FBXL5: variants seen among roughly 807,000 people sequenced by gnomAD.
FBXL5 encodes F-box/LRR-repeat protein 5.
A neutral mutation model predicts 78.3 loss-of-function variants in FBXL5; 26 were observed. The observed-to-expected ratio is 0.33, with a 90% CI of 0.24 to 0.46. The LOEUF is 0.46. Among genes scored for constraint, FBXL5 ranks in the 20% least tolerant of loss-of-function variants. The pLI, the probability that FBXL5 is intolerant of heterozygous loss-of-function variation, is 1.00. For synonymous variants in FBXL5, 295 were observed against 282.5 expected (o/e 1.04, Z -0.45); for missense variants, 710 against 829.2 (o/e 0.86, Z 1.77).
chr4:15,627,865 T>G lies in FBXL5; in HGVS notation c.1041+20A>C. 1 of 1,587,568 alleles carries G rather than the reference T, an allele frequency of 6.3e-7. No individual in the cohort carries two copies. The highest frequency in any genetic ancestry group is 8.5e-7 in the Non-Finnish European group (1 of 1,171,592). On this transcript the variant is annotated intron_variant, in intron 7 of 10. Coordinates refer to ENST00000341285, the MANE Select transcript of FBXL5 (RefSeq NM_012161.4). ...ATGCTGTTTTTCTTAATACCCAAAC[T>G]AGTGTTAATTTAAACATACCATTTT...
At chr4:15,663,881 G>C (rs1379109271), upstream of FBXL5, among the ~76,000 whole-genome samples, 2 of 152,048 alleles carry the variant, frequency 1.3e-5, no homozygotes. Context: ...ACTTACCCTG[G>C]CTAATATAAT....
chr4:15,673,568 T>C (rs1215815024), intron 1 of FBXL5, among the ~76,000 whole-genome samples: 1 of 152,216 alleles, frequency 6.6e-6, no homozygotes, highest in Non-Finnish European at 1.5e-5. Context: ...TCCAGCTCCA[T>C]TATAATCTTA....
At chr4:15,657,281 T>C (rs772101157), upstream of FBXL5, among the ~76,000 whole-genome samples, 17 of 152,232 alleles carry the variant, frequency 1.1e-4, no homozygotes, top group South Asian at 2.1e-4. Flanking sequence ...ACATGCACTT[T>C]GTTTTATCCT....
chr4:15,665,761 A>C (rs1468476451), intron 1 of FBXL5, among the ~76,000 whole-genome samples: 3 of 152,024 alleles, frequency 2.0e-5, no homozygotes, highest in Admixed American at 2.0e-4. Flanking sequence ...CCCCCAGTCC[A>C]AAATTCTTAA....
intron 10 of FBXL5, among the ~76,000 whole-genome samples, chr4:15,608,273 G>A (rs1435132678): frequency 1.3e-5 from 2 of 151,952 alleles, no homozygotes; most frequent in Non-Finnish European, 2.9e-5. Context: ...AGACTCAAAG[G>A]AGCAAACAGA....
chr4:15,669,250 G>C (rs1372449599), intron 1 of FBXL5, among the ~76,000 whole-genome samples: 1 of 152,026 alleles, frequency 6.6e-6, no homozygotes, highest in African/African-American at 2.4e-5. Context: ...CTTGCTCCTA[G>C]GCTACAAACC....
intron 9 of FBXL5, 98 bp downstream of exon 9, chr4:15,625,154 T>C: frequency 7.3e-7 from 1 of 1,370,644 alleles, no homozygotes; most frequent in Non-Finnish European, 9.8e-7. Context: ...TTTTGCTAAG[T>C]AAATCAACTG....
intron 1 of FBXL5, among the ~76,000 whole-genome samples, chr4:15,673,734 A>G (rs1717856645): frequency 6.6e-6 from 1 of 152,206 alleles, no homozygotes; most frequent in African/African-American, 2.4e-5. Flanking sequence ...CCAGATCACT[A>G]GAATTCTCTC....
chr4:15,612,356 G>A lies in FBXL5; in HGVS notation c.1909C>T (p.Leu637Phe). ...YLEHLNLSGCLTITGAGLQDL... is the reference protein window; with the variant it reads ...YLEHLNLSGCFTITGAGLQDL... ...TGCAGGCCTGCACCAGTTATAGTAA[G>A]ACAACCAGAGAGATTAAGGTGCTCC... The change falls in exon 10 of 11, where the codon CTT (leucine) becomes TTT (phenylalanine). Residue 637 changes from leucine to phenylalanine, a missense_variant. This residue lies in a region of FBXL5 where 58 missense variants were observed against 112.3 expected (regional missense o/e 0.52). Transcript: ENST00000341285. 6.2e-7 allele frequency: 1 copy of A among 1,612,654 alleles called. No individual in the cohort carries two copies. The highest frequency in any genetic ancestry group is 8.5e-7 in the Non-Finnish European group (1 of 1,179,360).
At chr4:15,609,746 G>A (rs1722116045) in intron 10 of FBXL5, among the ~76,000 whole-genome samples, 1 of 151,916 alleles carries the variant, frequency 6.6e-6, no homozygotes, top group Non-Finnish European at 1.5e-5. Context: ...AAGTCATAAA[G>A]AATCATTCAG....
intron 1 of FBXL5, among the ~76,000 whole-genome samples, chr4:15,665,267 G>A (rs531179378): frequency 4.6e-5 from 7 of 152,238 alleles, no homozygotes; most frequent in South Asian, 2.1e-4. Flanking sequence ...TGAAGTAGCC[G>A]TCAACCATAT....
intron 5 of FBXL5, among the ~76,000 whole-genome samples, chr4:15,636,089 C>G (rs1237886627): frequency 6.6e-6 from 1 of 151,884 alleles, no homozygotes; most frequent in Non-Finnish European, 1.5e-5. Context: ...TAAAAATATT[C>G]ATATAATTAT....
chr4:15,667,771 A>G (rs1370425020), intron 1 of FBXL5, among the ~76,000 whole-genome samples: 2 of 152,028 alleles, frequency 1.3e-5, no homozygotes, highest in Non-Finnish European at 2.9e-5. Flanking sequence ...AAGATGGTCA[A>G]TTTATCACGC....
At chr4:15,654,716 G>A (rs1206013454) in intron 1 of FBXL5, among the ~76,000 whole-genome samples, 1 of 152,244 alleles carries the variant, frequency 6.6e-6, no homozygotes, top group Non-Finnish European at 1.5e-5. Flanking sequence ...CCAGCGAGAG[G>A]TGCAGAGGAT....
At chr4:15,670,458 A>G (rs1042183621) in intron 1 of FBXL5, among the ~76,000 whole-genome samples, 6 of 152,212 alleles carry the variant, frequency 3.9e-5, no homozygotes, top group Non-Finnish European at 7.3e-5. Flanking sequence ...TTACCATCAT[A>G]TCTTTTTTCA....
At chr4:15,657,907 A>C (rs935773322), upstream of FBXL5, among the ~76,000 whole-genome samples, 3 of 152,228 alleles carry the variant, frequency 2.0e-5, no homozygotes, top group Non-Finnish European at 4.4e-5. Context: ...GACAGCAGAT[A>C]ATTCCAACAG....
intron 1 of FBXL5, among the ~76,000 whole-genome samples, chr4:15,647,907 G>A (rs1045721316): frequency 6.6e-6 from 1 of 152,140 alleles, no homozygotes; most frequent in African/African-American, 2.4e-5. Flanking sequence ...AGGCTGCAGT[G>A]CAGTGGCATG....
intron 10 of FBXL5, chr4:15,612,031 C>A: frequency 2.7e-6 from 1 of 371,958 alleles, no homozygotes; most frequent in Non-Finnish European, 4.7e-6. Flanking sequence ...TATTACATCC[C>A]TCAAAAATCT....
At chr4:15,610,398 A>C (rs1577418097) in intron 10 of FBXL5, among the ~76,000 whole-genome samples, 1 of 152,128 alleles carries the variant, frequency 6.6e-6, no homozygotes, top group Non-Finnish European at 1.5e-5. Flanking sequence ...CTATAAAAGG[A>C]GAGTTAATAT....
Sources: allele counts gnomAD v4.1 joint callset (sites outside exome capture counted in the v4.1 genomes callset), GRCh38; gene constraint gnomAD v4.1.1; regional missense constraint gnomAD v4.1.1; transcripts MANE v1.5; gene names NCBI Gene and HGNC (gene_info 2026-07-23, HGNC 2026-07-21).